PLEKHA7: variants seen among roughly 807,000 people sequenced by gnomAD.
PLEKHA7 encodes the protein pleckstrin homology domain containing A7.
In PLEKHA7, 104 loss-of-function variants were observed where a neutral mutation model predicts 170.0. That is an observed-to-expected ratio of 0.61 (90% CI 0.52 to 0.72). The LOEUF is 0.72. Among genes scored for constraint, PLEKHA7 ranks in the 30% least tolerant of loss-of-function variants. The pLI is 0.00. For missense variants in PLEKHA7, 1,615 were observed against 1,671.7 expected (o/e 0.97, Z 0.59); for synonymous variants, 648 against 660.8 (o/e 0.98, Z 0.30).
chr11:16,872,982 A>G (rs1452479828), intron 3 of PLEKHA7, among the ~76,000 whole-genome samples: 3 of 152,018 alleles, frequency 2.0e-5, no homozygotes, highest in Non-Finnish European at 2.9e-5. Context: ...CCTCCCCCCC[A>G]CTATTATAAT....
In PLEKHA7 at chr11:16,789,608, G is replaced by A. The variant is rs984901404; in HGVS notation, c.3156+167C>T. 1.5e-6 allele frequency: 1 copy of A among 650,006 alleles called. No homozygotes were observed. The highest frequency in any genetic ancestry group is 2.6e-6 in the Non-Finnish European group (1 of 380,542). 40.3% of individuals were successfully genotyped at this position (650,006 alleles called of 1,614,324 possible). Reference sequence around the variant, plus strand: ...CCTGACAGGCCAGAGAGAAAGGCAGGATGCCCTCCTTGGTGGACAGTGGGT... The same window carrying A: ...CCTGACAGGCCAGAGAGAAAGGCAGAATGCCCTCCTTGGTGGACAGTGGGT... On this transcript the variant is annotated intron_variant, in intron 22 of 26. Coordinates refer to ENST00000531066, the MANE Select transcript of PLEKHA7 (RefSeq NM_001329630.2). The surrounding 1 kb of genome is among the most constrained non-coding windows in gnomAD (Gnocchi z 4.6).
At chr11:16,987,518 A>G (rs1241486154) in intron 3 of PLEKHA7, among the ~76,000 whole-genome samples, 1 of 152,140 alleles carries the variant, frequency 6.6e-6, no homozygotes, top group Non-Finnish European at 1.5e-5. Flanking sequence ...GGTGCTGGGC[A>G]TTGGTTCTAA....
At chr11:16,906,261 AG>A (rs1309432290) in intron 3 of PLEKHA7, among the ~76,000 whole-genome samples, 6 of 114,742 alleles carry the variant, frequency 5.2e-5, no homozygotes, top group South Asian at 2.7e-4. Flanking sequence ...GAAGGAAGGA[AG>A]GAAGGAAGGA....
At position 16,826,415 on chromosome 11, in the gene PLEKHA7, C is replaced by T. The variant is rs1850649295; in HGVS notation, c.1048G>A (p.Asp350Asn). 6.2e-7 allele frequency: 1 copy of T among 1,614,228 alleles called. No homozygotes were observed. Among genetic ancestry groups the T allele is most frequent in the African/African-American group, 1.3e-5 (1 of 75,060 alleles). The change falls in exon 10 of 27, where the codon GAC becomes AAC. Residue 350 changes from aspartate (D) to asparagine (N), a missense_variant. Coordinates refer to ENST00000531066, the MANE Select transcript of PLEKHA7 (RefSeq NM_001329630.2). ...CGGTCCCGCTTGCCCTCCAGTGGGT[C>T]CCTCTGGGAACGGTACTGCTCTCCC... ...QEGEQYRSQR[D>N]PLEGKRDRSK...
intron 3 of PLEKHA7, among the ~76,000 whole-genome samples, chr11:16,998,071 G>A (rs1260535891): frequency 6.6e-6 from 1 of 152,210 alleles, no homozygotes; most frequent in East Asian, 1.9e-4. Context: ...TCTGTAAAAT[G>A]AGGATGATAA....
rs1272507072 is a variant in PLEKHA7 at position 16,963,507 on chromosome 11, A to G, written c.221+50482T>C. Among the ~76,000 whole-genome samples, 3 of 152,094 alleles carry G rather than the reference A, an allele frequency of 2.0e-5. No individual in the cohort carries two copies. In the East Asian group the frequency reaches 5.8e-4, roughly 29 times the overall value. On this transcript the variant is annotated intron_variant, in intron 3 of 26. Transcript: ENST00000531066. Reference sequence around the variant, plus strand: ...GCAAATCAGAGAGCCCTGACAATGGAGCACCAGGGAGGTGTGTCATCCATC... The same window carrying G: ...GCAAATCAGAGAGCCCTGACAATGGGGCACCAGGGAGGTGTGTCATCCATC...
At chr11:16,986,384 AG>A (rs1023342373) in intron 3 of PLEKHA7, among the ~76,000 whole-genome samples, 119 of 152,306 alleles carry the variant, frequency 7.8e-4, no homozygotes, top group African/African-American at 2.7e-3. Flanking sequence ...CCCATGGAGA[AG>A]GGAGGCATCG....
Position 16,817,745 on chromosome 11 carries a change from T to A in PLEKHA7, c.1344-423A>T, listed in dbSNP as rs772577186. Among the ~76,000 whole-genome samples, 1 of 152,192 alleles carries A rather than the reference T, an allele frequency of 6.6e-6. No homozygotes were observed. Among genetic ancestry groups the A allele is most frequent in the Admixed American group, 6.5e-5 (1 of 15,286 alleles). On this transcript the variant is annotated intron_variant, in intron 10 of 26. Transcript: ENST00000531066. The surrounding 1 kb of genome is among the most constrained non-coding windows in gnomAD (Gnocchi z 4.4). ...AGGTTCATAAAGGAAGTGGTTGGCA[T>A]CAGTTCTCTTTTTTCTGGACTCTTC... is the stretch of plus-strand genomic sequence containing the variant.
At chr11:17,002,098 A>C (rs1201182018) in intron 3 of PLEKHA7, among the ~76,000 whole-genome samples, 1 of 152,170 alleles carries the variant, frequency 6.6e-6, no homozygotes, top group Non-Finnish European at 1.5e-5. Flanking sequence ...ACTGGCTCAC[A>C]GTTCTGTGTG....
intron 9 of PLEKHA7, among the ~76,000 whole-genome samples, chr11:16,839,464 T>A (rs912254507): frequency 1.3e-5 from 2 of 149,756 alleles, no homozygotes; most frequent in African/African-American, 4.9e-5. Flanking sequence ...TACTTAATTA[T>A]AAATATATAC....
chr11:16,956,619 T>C (rs1420352309), intron 3 of PLEKHA7, among the ~76,000 whole-genome samples: 1 of 152,234 alleles, frequency 6.6e-6, no homozygotes, highest in Non-Finnish European at 1.5e-5. Context: ...GTATTTTAGT[T>C]ATACCTAATC....
chr11:16,994,046 G>A (rs1864196947), intron 3 of PLEKHA7, among the ~76,000 whole-genome samples: 1 of 152,196 alleles, frequency 6.6e-6, no homozygotes, highest in South Asian at 2.1e-4. Flanking sequence ...CTCTTCAACT[G>A]GGGACGATAC....
At chr11:16,803,557 G>T in intron 13 of PLEKHA7, 1 of 459,826 alleles carries the variant, frequency 2.2e-6, no homozygotes, top group Non-Finnish European at 3.9e-6. Flanking sequence ...TCAAGTTAAA[G>T]GATCATCAAT....
intron 9 of PLEKHA7, among the ~76,000 whole-genome samples, chr11:16,836,228 G>T (rs1381509954): frequency 2.0e-5 from 3 of 152,182 alleles, no homozygotes; most frequent in Admixed American, 2.0e-4. Flanking sequence ...CCTCCTCGTG[G>T]AGCTCAAGAC....
intron 1 of PLEKHA7, 41 bp from the exon 2 acceptor site, chr11:17,014,242 C>A: frequency 7.0e-7 from 1 of 1,423,086 alleles, no homozygotes; most frequent in Non-Finnish European, 9.1e-7. Flanking sequence ...CGCCACAGCC[C>A]GCCGGGTGCC....
At chr11:16,824,346 G>C (rs140647792) in intron 10 of PLEKHA7, among the ~76,000 whole-genome samples, 2 of 152,098 alleles carry the variant, frequency 1.3e-5, no homozygotes, top group Non-Finnish European at 2.9e-5. Flanking sequence ...GGTCAACATA[G>C]CAAGATTACA....
At chr11:16,869,498 G>A (rs1340045386) in intron 4 of PLEKHA7, among the ~76,000 whole-genome samples, 1 of 152,230 alleles carries the variant, frequency 6.6e-6, no homozygotes, top group African/African-American at 2.4e-5. Flanking sequence ...TATTAAATGA[G>A]ATATGCATGT....
intron 3 of PLEKHA7, among the ~76,000 whole-genome samples, chr11:16,935,260 C>A (rs1008865184): frequency 3.3e-5 from 5 of 152,130 alleles, no homozygotes; most frequent in Admixed American, 2.0e-4. Context: ...TATGGTGACA[C>A]CCCGTCTCCA....
chr11:16,816,747 T>G, intron 11 of PLEKHA7, 53 bp downstream of exon 11: 1 of 1,586,244 alleles, frequency 6.3e-7, no homozygotes, highest in African/African-American at 1.3e-5. Context: ...CAGGCAAAGC[T>G]CCTGGCGCCC....
Sources: gnomAD v4.1 joint callset for allele counts (sites outside exome capture counted in the v4.1 genomes callset) on GRCh38, gnomAD v4.1.1 for gene constraint, Gnocchi (gnomAD v3.1) non-coding constraint, MANE v1.5 for transcripts, NCBI Gene and HGNC (gene_info 2026-07-23, HGNC 2026-07-21) for gene names.